The following TCERG1 variants were observed in gnomAD, a reference collection of about 807,000 sequenced individuals.
The protein encoded by TCERG1 is transcription elongation regulator 1.
Under a neutral mutation model 144.7 loss-of-function variants are expected in TCERG1, and 37 were observed. The ratio of observed to expected loss-of-function variants is 0.26; its 90% confidence interval spans 0.20 to 0.34. The LOEUF is 0.34. TCERG1 is among the 10% of genes least tolerant of loss of function. The pLI, the probability that TCERG1 is intolerant of heterozygous loss-of-function variation, is 1.00. For missense variants in TCERG1, 1,027 were observed against 1,380.7 expected (o/e 0.74, Z 4.06); for synonymous variants, 492 against 458.2 (o/e 1.07, Z -0.94).
At chr5:146,474,904 G>A (rs955972694) in intron 9 of TCERG1, among the ~76,000 whole-genome samples, 4 of 152,138 alleles carry the variant, frequency 2.6e-5, no homozygotes, top group Admixed American at 2.6e-4. Context: ...AAAATTTTGA[G>A]ATTTACTTTA....
At chr5:146,456,278 A>T (rs1056202974) in intron 2 of TCERG1, among the ~76,000 whole-genome samples, 1 of 152,202 alleles carries the variant, frequency 6.6e-6, no homozygotes, top group African/African-American at 2.4e-5. Flanking sequence ...TAGTTTTTTT[A>T]ACTTATTCTG....
At position 146,459,203 on chromosome 5, in the gene TCERG1, C is replaced by G. The variant is rs141891503; in HGVS notation, c.758C>G (p.Ala253Gly). 12 of 1,614,164 alleles carry G rather than the reference C, an allele frequency of 7.4e-6. No individual in the cohort carries two copies. The African/African-American group carries it at 1.6e-4, about 22-fold the overall frequency. Residue 253 changes from alanine (A) to glycine (G), a missense_variant, in exon 4 of 23, where the codon GCA (alanine) becomes GGA (glycine). Coordinates refer to ENST00000679501, the MANE Select transcript of TCERG1 (RefSeq NM_001382548.1). ...VQAQVQAQVQ[A>G]QAVGASTPTT... ...GCCCAGGTCCAGGCACAAGTGCAAG[C>G]ACAAGCAGTTGGAGCTTCCACCCCT...
intron 17 of TCERG1, 138 bp from the exon 18 acceptor site, chr5:146,503,237 A>T: frequency 1.5e-6 from 1 of 689,500 alleles, no homozygotes; most frequent in Non-Finnish European, 2.3e-6. Flanking sequence ...TCTACTCTAA[A>T]TGCCTATATT....
At position 146,474,183 on chromosome 5, in the gene TCERG1, TTAACA is replaced by T. The variant is rs1480235699; in HGVS notation, c.1601+2609_1601+2613del. On this transcript the variant is annotated intron_variant, in intron 9 of 22. Coordinates refer to ENST00000679501, the MANE Select transcript of TCERG1 (RefSeq NM_001382548.1). ...TGATTCATGGGAGGAGGTCCAGATA[TTAACA>T]TTAACAGGAGTTTGGAGGAAGTTGA... is the stretch of plus-strand genomic sequence containing the variant. Among the ~76,000 whole-genome samples, 5 of 152,236 alleles carry T rather than the reference TTAACA, an allele frequency of 3.3e-5. No individual in the cohort carries two copies. In the East Asian group the frequency reaches 9.6e-4, roughly 29 times the overall value.
In TCERG1 at chr5:146,479,851, C is replaced by T; in HGVS notation, c.1763-4C>T. The T allele has an allele frequency of 1.9e-6, 3 of 1,613,114 alleles. No homozygotes were observed. The highest frequency in any genetic ancestry group is 1.1e-5 in the South Asian group (1 of 90,996). ...TGTAACAATATTTGAAATGTTTTTG[C>T]CAGGGCACCCAACTCCGACAATGCT... On this transcript the variant is annotated splice_polypyrimidine_tract_variant and splice_region_variant and intron_variant, in intron 10 of 22. Coordinates refer to ENST00000679501, the MANE Select transcript of TCERG1 (RefSeq NM_001382548.1).
chr5:146,447,597 C>A (rs911405661), intron 1 of TCERG1, among the ~76,000 whole-genome samples, 189 bp downstream of exon 1: 1 of 152,216 alleles, frequency 6.6e-6, no homozygotes, highest in African/African-American at 2.4e-5. Flanking sequence ...CGGGCTGGGC[C>A]AGGGCCTCCT....
intron 19 of TCERG1, among the ~76,000 whole-genome samples, chr5:146,505,118 C>T (rs187105335): frequency 1.3e-3 from 200 of 149,632 alleles, no homozygotes; most frequent in African/African-American, 4.7e-3. Context: ...ACAAAAACAT[C>T]TCATAATGTT....
intron 9 of TCERG1, among the ~76,000 whole-genome samples, chr5:146,472,593 G>T (rs755575282): frequency 3.3e-5 from 5 of 151,784 alleles, no homozygotes. Context: ...TCCTCTCCTC[G>T]GGTGTCCATT....
At chr5:146,482,467 T>C (rs534312407) in intron 13 of TCERG1, 125 bp from the exon 14 acceptor site, 2 of 859,858 alleles carry the variant, frequency 2.3e-6, no homozygotes, top group East Asian at 2.9e-5. Flanking sequence ...CTCAATATAA[T>C]TTGTTTTTGC....
chr5:146,481,525 A>G (rs1241446600), intron 13 of TCERG1: 1 of 152,118 alleles, frequency 6.6e-6, no homozygotes, highest in Non-Finnish European at 1.5e-5. Flanking sequence ...CTAAGTTGCT[A>G]AGTACCTCTC....
chr5:146,508,069 T>C, intron 21 of TCERG1, 113 bp downstream of exon 21: 2 of 611,928 alleles, frequency 3.3e-6, no homozygotes, highest in Non-Finnish European at 5.4e-6. Flanking sequence ...TGAATTACTT[T>C]TAAGTGTATG....
Position 146,507,001 on chromosome 5 carries a change from GATATAT to G in TCERG1, c.2782-21_2782-16del, listed in dbSNP as rs532913914. 146 of 1,522,628 alleles carry G rather than the reference GATATAT, an allele frequency of 9.6e-5. 1 individual carries two copies. In the African/African-American group the frequency reaches 1.8e-3, roughly 19 times the overall value. 94.3% of individuals were successfully genotyped at this position (1,522,628 alleles called of 1,614,324 possible). A position where few individuals can be genotyped will look rare whatever the true frequency, so the allele number is the denominator to read the frequency against. On this transcript the variant is annotated intron_variant, in intron 19 of 22. Coordinates refer to ENST00000679501, the MANE Select transcript of TCERG1 (RefSeq NM_001382548.1). This position sits in a 1 kb window ranked among gnomAD's most constrained non-coding sequence, Gnocchi z 4.6. The stretch of plus-strand genomic sequence containing the variant: ...GGACATTCAGATAAGTCTCTTTGGT[GATATAT>G]ATATAATTTTTTCTCTTCAGGTACG...
At chr5:146,465,032 C>A (rs958310336) in intron 5 of TCERG1, among the ~76,000 whole-genome samples, 1 of 151,918 alleles carries the variant, frequency 6.6e-6, no homozygotes, top group East Asian at 1.9e-4. Flanking sequence ...TTAAGAAATT[C>A]AAATCATTTA....
chr5:146,483,164 C>A (rs1213640437), intron 14 of TCERG1, among the ~76,000 whole-genome samples: 2 of 152,122 alleles, frequency 1.3e-5, no homozygotes, highest in African/African-American at 4.8e-5. Flanking sequence ...TTCACAGATT[C>A]ATTTGAATAA....
chr5:146,465,714 T>G (rs1763716481), intron 5 of TCERG1, among the ~76,000 whole-genome samples: 1 of 152,030 alleles, frequency 6.6e-6, no homozygotes, highest in Non-Finnish European at 1.5e-5. Context: ...TAAGATTTCT[T>G]TGGAGAGAGT....
At chr5:146,498,432 G>GTCTC (rs1767134584) in intron 16 of TCERG1, 104 bp from the exon 17 acceptor site, 1 of 1,236,862 alleles carries the variant, frequency 8.1e-7, no homozygotes, top group East Asian at 2.4e-5. Context: ...GAGTCCCAGT[G>GTCTC]TCTCTTTGTC....
At chr5:146,475,521 C>G (rs1764758952) in intron 9 of TCERG1, among the ~76,000 whole-genome samples, 1 of 152,186 alleles carries the variant, frequency 6.6e-6, no homozygotes. Context: ...GAATTACTTA[C>G]CTAGCCCAAT....
At chr5:146,505,186 TGGCCTGTG>T (rs1471321762) in intron 19 of TCERG1, among the ~76,000 whole-genome samples, 9 of 152,104 alleles carry the variant, frequency 5.9e-5, no homozygotes, top group Non-Finnish European at 7.4e-5. Flanking sequence ...GAGTTGCATG[TGGCCTGTG>T]GGCCACGGGT....
intron 19 of TCERG1, among the ~76,000 whole-genome samples, chr5:146,505,157 G>A (rs778292268): frequency 4.6e-5 from 7 of 151,946 alleles, no homozygotes; most frequent in Non-Finnish European, 7.4e-5. Context: ...TTGTGTTGGG[G>A]TACATTCAGA....
Sources: gnomAD v4.1 joint callset for allele counts (sites outside exome capture counted in the v4.1 genomes callset) on GRCh38, gnomAD v4.1.1 for gene constraint, Gnocchi (gnomAD v3.1) non-coding constraint, MANE v1.5 for transcripts, NCBI Gene and HGNC (gene_info 2026-07-23, HGNC 2026-07-21) for gene names.